MOB3B: variants seen among roughly 807,000 people sequenced by gnomAD.
MOB3B encodes the protein MOB kinase activator-like 2B.
In MOB3B, 7 loss-of-function variants were observed where a neutral mutation model predicts 18.7. The ratio of observed to expected loss-of-function variants is 0.37; its 90% confidence interval spans 0.21 to 0.70. MOB3B has a LOEUF of 0.70. Ranked by LOEUF, MOB3B falls within the 30% of genes least tolerant of loss-of-function variation. MOB3B has a pLI of 0.52. For synonymous variants in MOB3B, 111 were observed against 99.9 expected, an observed-to-expected ratio of 1.11 and a Z score of -0.66; for missense variants, 253 against 281.3, an observed-to-expected ratio of 0.90 and a Z score of 0.72.
chr9:27,410,926 G>A (rs940505918), intron 2 of MOB3B, among the ~76,000 whole-genome samples: 52 of 152,098 alleles, frequency 3.4e-4, no homozygotes, highest in African/African-American at 6.7e-4. Flanking sequence ...ATTGCCCCAC[G>A]TCTTAACTAT....
At chr9:27,348,246 G>A (rs963113885) in intron 3 of MOB3B, among the ~76,000 whole-genome samples, 4 of 152,094 alleles carry the variant, frequency 2.6e-5, no homozygotes, top group African/African-American at 9.7e-5. Flanking sequence ...AAAAGAAAGA[G>A]AAATGCAGAG....
At chr9:27,376,438 T>G (rs982397500) in intron 2 of MOB3B, among the ~76,000 whole-genome samples, 3 of 152,206 alleles carry the variant, frequency 2.0e-5, no homozygotes, top group Non-Finnish European at 4.4e-5. Flanking sequence ...TGGTACCCGT[T>G]GCACACACTG....
intron 2 of MOB3B, chr9:27,378,715 T>C (rs1382894124): frequency 4.2e-6 from 2 of 470,720 alleles, no homozygotes; most frequent in East Asian, 7.0e-5. Flanking sequence ...GTATTGCATG[T>C]GCATGGGCAG....
intron 1 of MOB3B, among the ~76,000 whole-genome samples, chr9:27,457,064 A>G (rs995099223): frequency 6.6e-6 from 1 of 152,170 alleles, no homozygotes; most frequent in Non-Finnish European, 1.5e-5. Context: ...CTTGCCTAAC[A>G]AGATCCCATA....
intron 1 of MOB3B, among the ~76,000 whole-genome samples, chr9:27,474,248 A>T (rs1819519345): frequency 6.6e-6 from 1 of 152,210 alleles, no homozygotes; most frequent in Non-Finnish European, 1.5e-5. Flanking sequence ...CTCCAACCAT[A>T]TCTAGTAAAC....
intron 1 of MOB3B, among the ~76,000 whole-genome samples, chr9:27,508,864 A>C (rs1000484338): frequency 1.1e-4 from 17 of 152,346 alleles, no homozygotes; most frequent in African/African-American, 4.1e-4. Context: ...CAAACACTTC[A>C]TTAGAATAGA....
chr9:27,476,740 C>A (rs137863958), intron 1 of MOB3B, among the ~76,000 whole-genome samples: 1,752 of 152,288 alleles, frequency 0.012, 17 homozygotes, highest in Non-Finnish European at 0.016. Context: ...AGACATCCAA[C>A]TTACAAGGAG....
At chr9:27,335,610 A>G (rs2131333378) in intron 3 of MOB3B, among the ~76,000 whole-genome samples, 1 of 152,268 alleles carries the variant, frequency 6.6e-6, no homozygotes, top group African/African-American at 2.4e-5. Context: ...ACTCAACCTC[A>G]TCCCCCATCG....
intron 2 of MOB3B, among the ~76,000 whole-genome samples, chr9:27,374,415 C>T (rs550956327): frequency 2.6e-5 from 4 of 152,212 alleles, no homozygotes; most frequent in Admixed American, 2.6e-4. Flanking sequence ...AAAGTACCCT[C>T]AATGGTTAGT....
rs945372743 is a variant in MOB3B at position 27,499,172 on chromosome 9, A to G, written c.-199+30383T>C. Among the ~76,000 whole-genome samples, 7 of 152,224 alleles carry G rather than the reference A, an allele frequency of 4.6e-5. No homozygotes were observed. In the East Asian group the frequency reaches 1.2e-3, roughly 25 times the overall value. ...ATAATCTACTAAAGTTTTACAATTTAAATATTGACAATTATATTTATTTTT... is the reference window on the plus strand; with the variant it reads ...ATAATCTACTAAAGTTTTACAATTTGAATATTGACAATTATATTTATTTTT... On this transcript the variant is annotated intron_variant, in intron 1 of 3. Transcript: ENST00000262244.
At chr9:27,464,204 A>G (rs552867911) in intron 1 of MOB3B, among the ~76,000 whole-genome samples, 2 of 152,246 alleles carry the variant, frequency 1.3e-5, no homozygotes, top group South Asian at 4.1e-4. Flanking sequence ...AATAAGAAAT[A>G]GGCAGGAGGT....
intron 3 of MOB3B, among the ~76,000 whole-genome samples, chr9:27,336,277 G>A (rs908563072): frequency 2.0e-5 from 3 of 152,144 alleles, no homozygotes; most frequent in African/African-American, 4.8e-5. Flanking sequence ...TCTGCTGGAG[G>A]GAGGAGCAAA....
chr9:27,330,641 G>C (rs1472980617), intron 3 of MOB3B, 25 bp from the exon 4 acceptor site: 1 of 1,613,866 alleles, frequency 6.2e-7, no homozygotes, highest in Admixed American at 1.7e-5. Flanking sequence ...GAAAAGGATG[G>C]TTAGGAGAAA....
intron 2 of MOB3B, among the ~76,000 whole-genome samples, chr9:27,435,052 T>C (rs1212030264): frequency 6.1e-5 from 2 of 32,702 alleles, no homozygotes; most frequent in Non-Finnish European, 1.2e-4. Context: ...GGTGTTTCTC[T>C]CTCTCTCTCT....
intron 1 of MOB3B, among the ~76,000 whole-genome samples, chr9:27,476,012 C>G (rs1047657982): frequency 1.1e-4 from 16 of 152,292 alleles, no homozygotes; most frequent in African/African-American, 3.8e-4. Context: ...TCCCATCACA[C>G]TCAGAATAAA....
chr9:27,467,867 G>A (rs1246108256), intron 1 of MOB3B, among the ~76,000 whole-genome samples: 1 of 152,268 alleles, frequency 6.6e-6, no homozygotes, highest in Admixed American at 6.5e-5. Context: ...TTGGTTAACA[G>A]TCTGGCTTCC....
chr9:27,350,870 CCCCCTCTG>C (rs1821094189), intron 3 of MOB3B, among the ~76,000 whole-genome samples: 1 of 151,920 alleles, frequency 6.6e-6, no homozygotes, highest in Non-Finnish European at 1.5e-5. Flanking sequence ...AACATGTACA[CCCCCTCTG>C]CCCCTCTGCT....
At position 27,455,394 on chromosome 9, in the gene MOB3B, C is replaced by G; in HGVS notation, c.157G>C (p.Gly53Arg). 1 of 1,614,210 alleles carries G rather than the reference C, an allele frequency of 6.2e-7. No homozygotes were observed. The highest frequency in any genetic ancestry group is 8.5e-7 in the Non-Finnish European group (1 of 1,180,046). Residue 53 changes from glycine to arginine, a missense_variant, in exon 2 of 4, where the codon GGG becomes CGG. Physicochemically the swap from Gly to Arg is moderately radical, Grantham distance 125 (BLOSUM62 -2). Transcript: ENST00000262244. ...DLKAAVQLPS[G>R]EDQNDWVAVH... ...GCCACCCAGTCATTCTGGTCCTCCC[C>G]ACTGGGCAACTGCACAGCCGCCTTC...
intron 2 of MOB3B, among the ~76,000 whole-genome samples, chr9:27,371,865 T>C (rs1821421274): frequency 6.6e-6 from 1 of 152,130 alleles, no homozygotes; most frequent in Non-Finnish European, 1.5e-5. Context: ...AACCTCCCCG[T>C]GGTTAAATTT....
Sources: gnomAD v4.1 joint callset for allele counts (sites outside exome capture counted in the v4.1 genomes callset) on GRCh38, gnomAD v4.1.1 for gene constraint, MANE v1.5 for transcripts, NCBI Gene and HGNC (gene_info 2026-07-23, HGNC 2026-07-21) for gene names.